SPRED2: variants seen among roughly 807,000 people sequenced by gnomAD.
SPRED2 encodes sprouty-related, EVH1 domain-containing protein 2.
A neutral mutation model predicts 43.0 loss-of-function variants in SPRED2; 47 were observed. The observed-to-expected ratio is 1.09, with a 90% confidence interval of 0.87 to 1.40. SPRED2 has a LOEUF of 1.40. Ranked by LOEUF, SPRED2 falls within the 40% of genes most tolerant of loss-of-function variation. The probability of loss-of-function intolerance (pLI) is 0.00; values close to 1 mark genes in which losing one functional copy is unlikely to be tolerated. For synonymous variants in SPRED2, 225 were observed against 225.7 expected (o/e 1.00, Z 0.03); for missense variants, 561 against 586.4 (o/e 0.96, Z 0.45).
At chr2:65,385,879 A>C (rs1204896594) in intron 1 of SPRED2, among the ~76,000 whole-genome samples, 2 of 152,210 alleles carry the variant, frequency 1.3e-5, no homozygotes, top group Non-Finnish European at 2.9e-5. Context: ...AACACTGGAC[A>C]TCCCAAATAG....
intron 4 of SPRED2, among the ~76,000 whole-genome samples, chr2:65,321,929 C>T (rs550403397): frequency 2.6e-5 from 4 of 152,102 alleles, no homozygotes; most frequent in South Asian, 4.2e-4. Context: ...CGTGCCAACA[C>T]GTTTGGCTAA....
At chr2:65,395,317 C>T (rs1675729961) in intron 1 of SPRED2, among the ~76,000 whole-genome samples, 1 of 152,314 alleles carries the variant, frequency 6.6e-6, no homozygotes, top group East Asian at 1.9e-4. Flanking sequence ...AGTGTCCCAA[C>T]CTGACCTTCA....
chr2:65,366,774 C>T (rs1049835352), intron 1 of SPRED2: 46 of 1,363,618 alleles, frequency 3.4e-5, no homozygotes, highest in Middle Eastern at 1.9e-4. Context: ...TGCATTGTAC[C>T]GGATGAGTCA....
At chr2:65,348,532 G>A (rs1558663075) in intron 1 of SPRED2, among the ~76,000 whole-genome samples, 1 of 152,198 alleles carries the variant, frequency 6.6e-6, no homozygotes, top group Non-Finnish European at 1.5e-5. Context: ...GCTGGAAGCG[G>A]TGGCTCATGC....
downstream of SPRED2, among the ~76,000 whole-genome samples, chr2:65,309,294 G>A (rs959022402): frequency 1.3e-5 from 2 of 151,804 alleles, no homozygotes; most frequent in Non-Finnish European, 2.9e-5. Context: ...TTGAGCCCAG[G>A]AGGTCAGGAC....
chr2:65,399,380 A>C (rs893948874), intron 1 of SPRED2, among the ~76,000 whole-genome samples: 1 of 144,092 alleles, frequency 6.9e-6, no homozygotes, highest in Non-Finnish European at 1.5e-5. Flanking sequence ...GGAAACTATT[A>C]TTCTTTTTTT....
At chr2:65,416,276 C>T (rs1434941658) in intron 1 of SPRED2, among the ~76,000 whole-genome samples, 3 of 152,188 alleles carry the variant, frequency 2.0e-5, no homozygotes, top group Non-Finnish European at 2.9e-5. Flanking sequence ...CTCAGATATG[C>T]TCTTCCTTGG....
intron 1 of SPRED2, among the ~76,000 whole-genome samples, chr2:65,402,572 C>T (rs1675930615): frequency 6.6e-6 from 1 of 152,134 alleles, no homozygotes; most frequent in African/African-American, 2.4e-5. Context: ...TAGATTCCAT[C>T]CAGGCAGGCC....
At chr2:65,351,665 C>G (rs151333481) in intron 1 of SPRED2, among the ~76,000 whole-genome samples, 2 of 152,172 alleles carry the variant, frequency 1.3e-5, no homozygotes, top group East Asian at 3.9e-4. Flanking sequence ...TTGATTTCAT[C>G]GAATTATATG....
intron 4 of SPRED2, among the ~76,000 whole-genome samples, chr2:65,330,338 A>G (rs1673773659): frequency 6.6e-6 from 1 of 152,160 alleles, no homozygotes; most frequent in Admixed American, 6.5e-5. Flanking sequence ...TACAAAAGAC[A>G]CTCCTGGGAC....
chr2:65,429,892 G>A (rs1039596732), intron 1 of SPRED2, among the ~76,000 whole-genome samples: 2 of 152,216 alleles, frequency 1.3e-5, no homozygotes, highest in Non-Finnish European at 2.9e-5. Context: ...GCCTGAAATG[G>A]AGCTATTCTT....
intron 4 of SPRED2, among the ~76,000 whole-genome samples, chr2:65,321,007 C>A (rs1274978709): frequency 2.0e-5 from 3 of 152,194 alleles, no homozygotes; most frequent in African/African-American, 7.2e-5. Flanking sequence ...AAAGCTGTCA[C>A]CTTCAATGAA....
At chr2:65,380,009 T>C (rs553285242) in intron 1 of SPRED2, among the ~76,000 whole-genome samples, 12 of 152,232 alleles carry the variant, frequency 7.9e-5, no homozygotes, top group African/African-American at 2.4e-4. Flanking sequence ...TACAAGGAGG[T>C]TGAGTGCTTC....
At chr2:65,319,742 G>T (rs1390968145) in intron 4 of SPRED2, among the ~76,000 whole-genome samples, 1 of 152,136 alleles carries the variant, frequency 6.6e-6, no homozygotes, top group Non-Finnish European at 1.5e-5. Flanking sequence ...AGCTACTTGT[G>T]GACACGGTTC....
intron 1 of SPRED2, among the ~76,000 whole-genome samples, chr2:65,425,221 C>G (rs1407149850): frequency 1.3e-5 from 2 of 152,116 alleles, no homozygotes; most frequent in Non-Finnish European, 2.9e-5. Context: ...AGAATAAAAA[C>G]AACCAGATCT....
chr2:65,423,762 C>T (rs1676491879), intron 1 of SPRED2, among the ~76,000 whole-genome samples: 1 of 127,992 alleles, frequency 7.8e-6, no homozygotes, highest in African/African-American at 3.3e-5. Flanking sequence ...CCAAGGCTAC[C>T]TCATTTATGC....
intron 1 of SPRED2, among the ~76,000 whole-genome samples, chr2:65,385,893 C>T (rs1675484389): frequency 6.6e-6 from 1 of 152,138 alleles, no homozygotes; most frequent in Non-Finnish European, 1.5e-5. Flanking sequence ...CAAATAGCTT[C>T]CTAAATGTTC....
Position 65,426,288 on chromosome 2 carries a change from G to A in SPRED2, c.26+5674C>T, listed in dbSNP as rs554457813. On this transcript the variant is annotated intron_variant, in intron 1 of 5. Coordinates refer to ENST00000356388, the MANE Select transcript of SPRED2 (RefSeq NM_181784.3). ...AATGTGAACATGGTTGAGTTTCTCAGGAGGCTTATATATATATATACCCTA... is the reference window on the plus strand; with the variant it reads ...AATGTGAACATGGTTGAGTTTCTCAAGAGGCTTATATATATATATACCCTA... Among the ~76,000 whole-genome samples, 2 of 152,246 alleles carry A rather than the reference G, an allele frequency of 1.3e-5. 1 individual carries two copies. The highest frequency in any genetic ancestry group is 4.2e-4 in the South Asian group (2 of 4,812).
At chr2:65,421,059 T>G (rs1676411775) in intron 1 of SPRED2, among the ~76,000 whole-genome samples, 1 of 152,218 alleles carries the variant, frequency 6.6e-6, no homozygotes, top group Non-Finnish European at 1.5e-5. Context: ...TGTCTGACAG[T>G]CAGACATTAC....
Sources: allele counts gnomAD v4.1 joint callset (sites outside exome capture counted in the v4.1 genomes callset), GRCh38; gene constraint gnomAD v4.1.1; transcripts MANE v1.5; gene names NCBI Gene and HGNC (gene_info 2026-07-23, HGNC 2026-07-21).